KALRN: variants seen among roughly 807,000 people sequenced by gnomAD.
KALRN encodes the protein kalirin RhoGEF kinase, also known as kalirin.
A neutral mutation model predicts 353.7 loss-of-function variants in KALRN; 70 were observed. That is an observed-to-expected ratio of 0.20 (90% CI 0.16 to 0.24). The LOEUF is 0.24. Ranked by LOEUF, KALRN falls within the 10% of genes least tolerant of loss-of-function variation. The pLI, the probability that KALRN is intolerant of heterozygous loss-of-function variation, is 1.00. For synonymous variants in KALRN, 1,391 were observed against 1,434.8 expected (o/e 0.97, Z 0.69); for missense variants, 2,791 against 3,756.7 (o/e 0.74, Z 6.72).
chr3:124,346,049 G>A (rs563784440), intron 9 of KALRN, among the ~76,000 whole-genome samples: 16 of 152,280 alleles, frequency 1.1e-4, no homozygotes, highest in South Asian at 1.0e-3. Context: ...TTTAGTTAAT[G>A]GTTAATATTG....
chr3:124,623,429 A>ACACACACACACACACACACACACAC (rs1561450939), intron 34 of KALRN, among the ~76,000 whole-genome samples: 1 of 83,074 alleles, frequency 1.2e-5, no homozygotes, highest in Non-Finnish European at 2.2e-5. Flanking sequence ...CACACACACA[A>ACACACACACACACACACACACACAC]AAGGGAGTTT....
At chr3:124,655,227 C>G (rs1004528537) in intron 38 of KALRN, among the ~76,000 whole-genome samples, 1 of 152,240 alleles carries the variant, frequency 6.6e-6, no homozygotes, top group African/African-American at 2.4e-5. Flanking sequence ...CCCTGCCCAG[C>G]CTCAAAGCTT....
In KALRN at chr3:124,657,540, C is replaced by G. The variant is rs761015860; in HGVS notation, c.5955C>G (p.Asp1985Glu). The G allele has an allele frequency of 6.2e-7, 1 of 1,612,636 alleles. No homozygotes were observed. The highest frequency in any genetic ancestry group is 1.1e-5 in the South Asian group (1 of 91,054). The change falls in exon 40 of 60, where the codon GAC (aspartate) becomes GAG (glutamate). Residue 1985 changes from aspartate to glutamate, a missense_variant. Asp to Glu is a conservative substitution (Grantham distance 45). Coordinates refer to ENST00000682506, the MANE Select transcript of KALRN (RefSeq NM_001388419.1). ...TTGGAAATATTCATCAGATTTATGA[C>G]TGGCATAAGGAGTAAGTGTTAATGC... is the stretch of plus-strand genomic sequence containing the variant. ...IVFGNIHQIY[D>E]WHKDFFLAEL...
At chr3:124,177,079 A>G (rs566504295) in intron 1 of KALRN, among the ~76,000 whole-genome samples, 59 of 152,320 alleles carry the variant, frequency 3.9e-4, no homozygotes, top group African/African-American at 1.0e-3. Context: ...AGGGCAGTCT[A>G]TCTCTTCTTA....
At chr3:124,560,640 T>A (rs146862354) in intron 33 of KALRN, among the ~76,000 whole-genome samples, 1 of 152,198 alleles carries the variant, frequency 6.6e-6, no homozygotes, top group Admixed American at 6.5e-5. Context: ...AGCGGGAGGA[T>A]CAGTTGAGCC....
At chr3:124,591,031 A>G (rs1462377872) in intron 34 of KALRN, among the ~76,000 whole-genome samples, 1 of 152,186 alleles carries the variant, frequency 6.6e-6, no homozygotes, top group Non-Finnish European at 1.5e-5. Flanking sequence ...GATAGTACCC[A>G]AACTCTAAAT....
chr3:124,332,545 T>G (rs1331913560), intron 8 of KALRN, among the ~76,000 whole-genome samples: 1 of 152,114 alleles, frequency 6.6e-6, no homozygotes. Flanking sequence ...AAGATGCATG[T>G]TCTGTTGGGT....
In KALRN at chr3:124,461,914, G is replaced by T. The variant is rs1220758686; in HGVS notation, c.3879G>T (p.Gln1293His). The change falls in exon 24 of 60, where the codon CAG (glutamine) becomes CAT (histidine). Residue 1293 changes from glutamine to histidine, a missense_variant. Gln to His is a conservative substitution (Grantham distance 24, BLOSUM62 0). Transcript: ENST00000682506. ...GATTTATTATGGCTGAACTACTCCA[G>T]ACAGAGAAGGCTTATGTAAGGGATT... ...KKEFIMAELL[Q>H]TEKAYVRDLH... 6.2e-7 allele frequency: 1 copy of T among 1,613,492 alleles called. No homozygotes were observed.
chr3:124,448,200 C>T (rs971903570), intron 21 of KALRN, among the ~76,000 whole-genome samples: 1 of 152,122 alleles, frequency 6.6e-6, no homozygotes, highest in Non-Finnish European at 1.5e-5. Flanking sequence ...ACCTTTGTAA[C>T]TGTCTTCATA....
At chr3:124,609,653 G>A (rs2149535800) in intron 34 of KALRN, among the ~76,000 whole-genome samples, 1 of 152,318 alleles carries the variant, frequency 6.6e-6, no homozygotes, top group Middle Eastern at 3.4e-3. Flanking sequence ...ATGACTCAAG[G>A]CATTGCAGTC....
chr3:124,444,375 C>T (rs933826172), intron 19 of KALRN, among the ~76,000 whole-genome samples: 1 of 152,182 alleles, frequency 6.6e-6, no homozygotes, highest in African/African-American at 2.4e-5. Flanking sequence ...GTTAACAACT[C>T]ATTTGCTAAA....
rs7638159 is a variant in KALRN at position 124,699,602 on chromosome 3, T to C, written c.7832-267T>C. On this transcript the variant is annotated intron_variant, in intron 55 of 59. Transcript: ENST00000682506. ...TCCCCTGTAAATTCTGTATTATCTA[T>C]GTCTTTTTACTCTGGCACTTGCACA... Among the ~76,000 whole-genome samples the C allele has an allele frequency of 4.2e-3, 644 of 152,344 alleles. 2 individuals are homozygous for C. The highest frequency in any genetic ancestry group is 0.015 in the African/African-American group (612 of 41,574).
At chr3:124,085,666 CT>C (rs2060777892) in intron 1 of KALRN, among the ~76,000 whole-genome samples, 1 of 152,302 alleles carries the variant, frequency 6.6e-6, no homozygotes, top group African/African-American at 2.4e-5. Context: ...GGAGCACCTC[CT>C]TTTTCAGAAA....
intron 1 of KALRN, among the ~76,000 whole-genome samples, chr3:124,176,862 C>G (rs761090190): frequency 3.3e-5 from 5 of 152,172 alleles, no homozygotes; most frequent in Non-Finnish European, 7.3e-5. Context: ...AAAGGAATTA[C>G]AGACTGTTGG....
Position 124,297,229 on chromosome 3 carries a change from C to A in KALRN, c.970-1562C>A, listed in dbSNP as rs546722327. ...CAAGGGACATAATTGGATAAGGCTG[C>A]AGTTCTGGCTCCAGAGAGCTGGTGC... is the stretch of plus-strand genomic sequence containing the variant. On this transcript the variant is annotated intron_variant, in intron 5 of 59. Transcript: ENST00000682506. Among the ~76,000 whole-genome samples the A allele has an allele frequency of 6.6e-5, 10 of 152,360 alleles. No individual in the cohort carries two copies. In the South Asian group the frequency reaches 1.5e-3, roughly 22 times the overall value.
chr3:124,460,756 C>T (rs1216190086), intron 23 of KALRN, among the ~76,000 whole-genome samples: 1 of 152,212 alleles, frequency 6.6e-6, no homozygotes, highest in African/African-American at 2.4e-5. Context: ...GCACTTTTTA[C>T]TCTACCAATA....
chr3:124,177,260 C>CA (rs2072912922), intron 1 of KALRN, among the ~76,000 whole-genome samples: 1 of 152,344 alleles, frequency 6.6e-6, no homozygotes, highest in Admixed American at 6.5e-5. Context: ...TGCCATTTCT[C>CA]AAACACTCCG....
intron 42 of KALRN, among the ~76,000 whole-genome samples, chr3:124,658,875 T>C (rs2084443857): frequency 6.6e-6 from 1 of 152,138 alleles, no homozygotes; most frequent in South Asian, 2.1e-4. Flanking sequence ...GAGTCTTCTG[T>C]TGGTTGAAGG....
intron 13 of KALRN, among the ~76,000 whole-genome samples, chr3:124,409,944 A>G (rs564710459): frequency 6.6e-6 from 1 of 152,156 alleles, no homozygotes; most frequent in Non-Finnish European, 1.5e-5. Flanking sequence ...GAGCCTGCGG[A>G]CCCAGGGAGG....
Sources: gnomAD v4.1 joint callset for allele counts (sites outside exome capture counted in the v4.1 genomes callset) on GRCh38, gnomAD v4.1.1 for gene constraint, MANE v1.5 for transcripts, NCBI Gene and HGNC (gene_info 2026-07-23, HGNC 2026-07-21) for gene names.